Variants in PTPRD observed in about 807,000 individuals in gnomAD.
PTPRD encodes the protein protein tyrosine phosphatase receptor type D, also known as receptor-type tyrosine-protein phosphatase delta.
Under a neutral mutation model 214.5 loss-of-function variants are expected in PTPRD, and 34 were observed. The ratio of observed to expected loss-of-function variants is 0.16; its 90% CI spans 0.12 to 0.21. The LOEUF is 0.21. Ranked by LOEUF, PTPRD falls within the 10% of genes least tolerant of loss-of-function variation. The pLI is 1.00. For synonymous variants in PTPRD, 1,128 were observed against 845.7 expected, an observed-to-expected ratio of 1.33 and a Z score of -5.79; for missense variants, 2,545 against 2,398.7, an observed-to-expected ratio of 1.06 and a Z score of -1.27.
chr9:10,334,664 G>GAAC (rs1162769750), intron 3 of PTPRD, among the ~76,000 whole-genome samples: 1 of 150,928 alleles, frequency 6.6e-6, no homozygotes, highest in Non-Finnish European at 1.5e-5. Context: ...AGAAAATCCA[G>GAAC]AACAACAACA....
intron 12 of PTPRD, among the ~76,000 whole-genome samples, chr9:8,702,252 T>A (rs1459727546): frequency 7.0e-6 from 1 of 142,306 alleles, no homozygotes; most frequent in African/African-American, 2.7e-5. Flanking sequence ...CATTTTAGTG[T>A]GTAAAGTAAA....
At chr9:8,606,011 T>C (rs1297945324) in intron 14 of PTPRD, among the ~76,000 whole-genome samples, 1 of 152,096 alleles carries the variant, frequency 6.6e-6, no homozygotes, top group African/African-American at 2.4e-5. Flanking sequence ...TACTATATCA[T>C]CCTAAAGAAC....
At chr9:10,272,370 T>A (rs1161451936) in intron 3 of PTPRD, among the ~76,000 whole-genome samples, 1 of 152,234 alleles carries the variant, frequency 6.6e-6, no homozygotes, top group Non-Finnish European at 1.5e-5. Flanking sequence ...TTTGAGTTAT[T>A]TCTACTTTTT....
At chr9:8,721,162 C>T (rs2098491462) in intron 12 of PTPRD, among the ~76,000 whole-genome samples, 1 of 151,664 alleles carries the variant, frequency 6.6e-6, no homozygotes, top group African/African-American at 2.4e-5. Context: ...GGCGTAGTGG[C>T]TCACACCTGT....
At chr9:9,991,646 C>G (rs949300496) in intron 4 of PTPRD, among the ~76,000 whole-genome samples, 3 of 152,118 alleles carry the variant, frequency 2.0e-5, no homozygotes, top group East Asian at 1.9e-4. Context: ...CAGGCATGAG[C>G]CACTGTGCCC....
chr9:9,919,720 C>T (rs906063225), intron 5 of PTPRD, among the ~76,000 whole-genome samples: 3 of 152,062 alleles, frequency 2.0e-5, no homozygotes, highest in Non-Finnish European at 4.4e-5. Flanking sequence ...GAAAGAACAA[C>T]GGGCTATATT....
At chr9:9,341,970 A>G (rs527553497) in intron 9 of PTPRD, among the ~76,000 whole-genome samples, 1 of 151,924 alleles carries the variant, frequency 6.6e-6, no homozygotes, top group South Asian at 2.1e-4. Context: ...CACCATGCCC[A>G]GTTATTTTTT....
intron 3 of PTPRD, among the ~76,000 whole-genome samples, chr9:10,062,539 G>A (rs1293192109): frequency 6.6e-6 from 1 of 152,062 alleles, no homozygotes; most frequent in Non-Finnish European, 1.5e-5. Flanking sequence ...CCGCAAGGCA[G>A]AGGTTGCAGT....
chr9:10,225,465 G>GT (rs1297037547), intron 3 of PTPRD, among the ~76,000 whole-genome samples: 1 of 151,978 alleles, frequency 6.6e-6, no homozygotes, highest in Non-Finnish European at 1.5e-5. Flanking sequence ...TGTTTTTAAT[G>GT]TAAGATCATA....
Position 10,111,878 on chromosome 9 carries a change from T to TTGCA in PTPRD, c.-544-78092_-544-78089dup, listed in dbSNP as rs2098694359. On this transcript the variant is annotated intron_variant, in intron 3 of 45. Coordinates refer to ENST00000381196, the MANE Select transcript of PTPRD (RefSeq NM_002839.4). ...TTGGAAGCACGAGAATTTGGAAAGA[T>TTGCA]TGCATACATAAAGACAATGGTACAC... Among the ~76,000 whole-genome samples the TTGCA allele has an allele frequency of 2.0e-5, 3 of 152,206 alleles. No individual in the cohort carries two copies. The South Asian group carries it at 6.2e-4, about 31-fold the overall frequency.
intron 12 of PTPRD, among the ~76,000 whole-genome samples, chr9:8,680,891 T>A (rs1385481172): frequency 6.6e-6 from 1 of 152,194 alleles, no homozygotes; most frequent in Non-Finnish European, 1.5e-5. Context: ...CTCACGGGAC[T>A]GATTTGAGTT....
chr9:8,687,721 G>C (rs184606524), intron 12 of PTPRD, among the ~76,000 whole-genome samples: 4 of 151,842 alleles, frequency 2.6e-5, no homozygotes, highest in African/African-American at 9.7e-5. Context: ...CAAAATAAGA[G>C]GTCCTTAGGT....
At chr9:10,017,921 A>G (rs748983387) in intron 4 of PTPRD, among the ~76,000 whole-genome samples, 2 of 152,164 alleles carry the variant, frequency 1.3e-5, no homozygotes, top group Admixed American at 6.5e-5. Flanking sequence ...ACAACACTCA[A>G]ATGAAGTCCC....
chr9:9,258,976 T>C (rs1365326796), intron 9 of PTPRD, among the ~76,000 whole-genome samples: 1 of 151,908 alleles, frequency 6.6e-6, no homozygotes, highest in Non-Finnish European at 1.5e-5. Context: ...TGGGGAGCTT[T>C]ATTACAATTT....
intron 35 of PTPRD, among the ~76,000 whole-genome samples, chr9:8,405,718 TG>T (rs2092908527): frequency 6.6e-6 from 1 of 152,172 alleles, no homozygotes; most frequent in South Asian, 2.1e-4. Context: ...TTTTCAAGAA[TG>T]ATAAAACAGG....
chr9:9,950,186 T>C (rs901452969), intron 4 of PTPRD, among the ~76,000 whole-genome samples: 2 of 152,308 alleles, frequency 1.3e-5, no homozygotes, highest in Admixed American at 1.3e-4. Context: ...CCTAACCTGA[T>C]AATGATTTGT....
intron 7 of PTPRD, among the ~76,000 whole-genome samples, chr9:9,588,978 G>T (rs2154323503): frequency 1.3e-5 from 2 of 151,922 alleles, no homozygotes; most frequent in East Asian, 3.9e-4. Context: ...AGCATTTTTA[G>T]TTTTGTGGCA....
At chr9:9,511,452 A>G (rs191749543) in intron 8 of PTPRD, among the ~76,000 whole-genome samples, 122 of 151,850 alleles carry the variant, frequency 8.0e-4, no homozygotes, top group Middle Eastern at 3.4e-3. Flanking sequence ...CCATGTAATA[A>G]ATATCTAGGC....
chr9:9,928,002 G>A (rs1403874607), intron 5 of PTPRD, among the ~76,000 whole-genome samples: 1 of 152,044 alleles, frequency 6.6e-6, no homozygotes, highest in African/African-American at 2.4e-5. Flanking sequence ...TGTATTATAG[G>A]CATATATTCT....
Sources: allele counts gnomAD v4.1 joint callset (sites outside exome capture counted in the v4.1 genomes callset), GRCh38; gene constraint gnomAD v4.1.1; transcripts MANE v1.5; gene names NCBI Gene and HGNC (gene_info 2026-07-23, HGNC 2026-07-21).